Variants in LNX1 observed in about 807,000 individuals in gnomAD.
LNX1 encodes the protein ligand of numb-protein X 1.
LNX1 carries 54 observed loss-of-function variants against 68.4 expected under a neutral mutation model. That is an observed-to-expected ratio of 0.79 (90% CI 0.63 to 0.99). The LOEUF (loss-of-function observed/expected upper bound fraction) is 0.99. LNX1 is among the 50% of genes least tolerant of loss of function. The pLI is 0.00. For missense variants in LNX1, 906 were observed against 926.4 expected, an observed-to-expected ratio of 0.98 and a Z score of 0.29; for synonymous variants, 336 against 350.0, an observed-to-expected ratio of 0.96 and a Z score of 0.45.
At chr4:53,602,476 A>G (rs1260745424) in intron 2 of LNX1, among the ~76,000 whole-genome samples, 3 of 152,178 alleles carry the variant, frequency 2.0e-5, no homozygotes, top group African/African-American at 7.2e-5. Context: ...GCACTCAGTC[A>G]CTCTGACACT....
At chr4:53,584,388 G>GA (rs922328410) in intron 1 of LNX1, among the ~76,000 whole-genome samples, 2 of 151,670 alleles carry the variant, frequency 1.3e-5, no homozygotes, top group Non-Finnish European at 2.9e-5. Context: ...TTATCCACAG[G>GA]AAAAAAAATG....
rs535843976 is a variant in LNX1, at chr4:53,481,792, G to A, written c.1413C>T (p.Ile471=). ...SRQVRQRSPD[I]FQEAGWNSNG... is the part of the protein sequence containing the mutation. ...TGCTGTTCCAGCCGGCTTCCTGAAA[G>A]ATGTCAGGGCTCCGCTGCCGAACCT... is the stretch of plus-strand genomic sequence containing the variant. Residue 471 remains isoleucine (I), a synonymous_variant, in exon 7 of 11, where the codon ATC becomes ATT. Coordinates refer to ENST00000263925, the MANE Select transcript of LNX1 (RefSeq NM_001126328.3). 32 of 1,613,490 alleles carry A rather than the reference G, an allele frequency of 2.0e-5. No individual in the cohort carries two copies. The highest frequency in any genetic ancestry group is 2.6e-5 in the Non-Finnish European group (31 of 1,179,774).
intron 1 of LNX1, among the ~76,000 whole-genome samples, chr4:53,649,231 T>C (rs1038863436): frequency 9.9e-5 from 15 of 152,198 alleles, no homozygotes; most frequent in African/African-American, 3.6e-4. Context: ...CCCTAACCCC[T>C]TTTTGATCCA....
intron 1 of LNX1, among the ~76,000 whole-genome samples, chr4:53,622,604 C>T (rs897330293): frequency 1.2e-4 from 18 of 152,206 alleles, no homozygotes; most frequent in African/African-American, 2.9e-4. Flanking sequence ...GTATAAAAAA[C>T]GCCAAATCCT....
intron 8 of LNX1, 72 bp from the exon 9 acceptor site, chr4:53,477,053 G>A (rs567788872): frequency 5.6e-5 from 72 of 1,279,292 alleles, no homozygotes; most frequent in Non-Finnish European, 7.5e-5. Context: ...AGTGCAAGGG[G>A]ATAGGGGCTG....
intron 9 of LNX1, among the ~76,000 whole-genome samples, chr4:53,471,743 T>C (rs560233123): frequency 4.9e-4 from 74 of 152,094 alleles, no homozygotes; most frequent in Non-Finnish European, 7.9e-4. Flanking sequence ...AAAATGCTCA[T>C]CATCACTGGC....
rs191055409 is a variant in LNX1 at position 53,598,990 on chromosome 4, A to C, written c.-214-7475T>G. On this transcript the variant is annotated intron_variant, in intron 2 of 3. Transcript: ENST00000504299. ...AAGTGTAAGGTAGAAATTGCTTAAC[A>C]GAGGAGTGTTACAGATGCAGTTACA... Among the ~76,000 whole-genome samples the C allele has an allele frequency of 1.8e-4, 28 of 152,342 alleles. No individual in the cohort carries two copies. The East Asian group carries it at 5.4e-3, about 29-fold the overall frequency.
rs767734073 is a variant in LNX1 at position 53,461,580 on chromosome 4, A to AGTT, written c.1903_1905dup (p.Asn635dup). 6.2e-7 allele frequency: 1 copy of AGTT among 1,610,286 alleles called. No individual in the cohort carries two copies. The highest frequency in any genetic ancestry group is 8.5e-7 in the Non-Finnish European group (1 of 1,177,758). On this transcript the variant is annotated inframe_insertion, in exon 10 of 11. Transcript: ENST00000263925. Reference sequence around the variant, plus strand: ...TTTCTTCGTAATACAATATCTTTACAGTTATACAAGCACCTGAAATAGAAT... The same window carrying AGTT: ...TTTCTTCGTAATACAATATCTTTACAGTTGTTATACAAGCACCTGAAATAGAAT...
intron 2 of LNX1, among the ~76,000 whole-genome samples, chr4:53,565,652 G>A (rs1730624037): frequency 6.6e-6 from 1 of 152,212 alleles, no homozygotes; most frequent in Non-Finnish European, 1.5e-5. Flanking sequence ...GACAGAGAAT[G>A]ACTTTGACGA....
At chr4:53,626,794 C>CT (rs34042416) in intron 1 of LNX1, among the ~76,000 whole-genome samples, 50,233 of 151,972 alleles carry the variant, frequency 0.33, 8,651 homozygotes, top group Admixed American at 0.38. Flanking sequence ...CAGAAAAGAG[C>CT]TTATAATCAT....
At chr4:53,526,100 T>A (rs1727589572) in intron 2 of LNX1, among the ~76,000 whole-genome samples, 1 of 41,632 alleles carries the variant, frequency 2.4e-5, no homozygotes, top group Admixed American at 3.9e-4. Context: ...TTGGGCACTT[T>A]CTAGAAAAGA....
chr4:53,481,276 C>T (rs937717442), intron 7 of LNX1, among the ~76,000 whole-genome samples: 3 of 152,212 alleles, frequency 2.0e-5, no homozygotes, highest in African/African-American at 7.2e-5. Flanking sequence ...TTTAAATTAT[C>T]TTCCTGGGCC....
At chr4:53,631,066 G>A (rs765082289) in intron 1 of LNX1, among the ~76,000 whole-genome samples, 4 of 152,192 alleles carry the variant, frequency 2.6e-5, no homozygotes, top group Admixed American at 6.5e-5. Flanking sequence ...ACAGTTCTAT[G>A]GACCGCTGGG....
intron 6 of LNX1, among the ~76,000 whole-genome samples, chr4:53,483,848 T>TG (rs1724114149): frequency 6.6e-6 from 1 of 152,120 alleles, no homozygotes; most frequent in African/African-American, 2.4e-5. Context: ...ACTCAGACAA[T>TG]GGTGGTGGAG....
intron 2 of LNX1, among the ~76,000 whole-genome samples, chr4:53,511,340 A>G (rs1356510753): frequency 1.3e-5 from 2 of 152,198 alleles, no homozygotes; most frequent in African/African-American, 4.8e-5. Context: ...AGCGGGGAAG[A>G]GCTGATTAGC....
chr4:53,630,198 A>G (rs1416889628), intron 1 of LNX1, among the ~76,000 whole-genome samples: 1 of 152,112 alleles, frequency 6.6e-6, no homozygotes, highest in African/African-American at 2.4e-5. Context: ...TTTCAAATTA[A>G]CAGCAAGTCA....
intron 7 of LNX1, 21 bp downstream of exon 7, chr4:53,481,699 G>T (rs747187031): frequency 1.2e-6 from 2 of 1,604,238 alleles, no homozygotes; most frequent in East Asian, 2.3e-5. Flanking sequence ...AGGAGCAGGC[G>T]ACCTGCCCTA....
intron 1 of LNX1, chr4:53,575,553 C>A (rs187852798): frequency 1.0e-6 from 1 of 985,364 alleles, no homozygotes. Flanking sequence ...AAGTAGGAGC[C>A]CAGTGCAAAC....
intron 2 of LNX1, chr4:53,508,431 A>AC (rs1553933383): frequency 1.6e-6 from 1 of 608,960 alleles, no homozygotes; most frequent in Non-Finnish European, 2.8e-6. Context: ...ATAATTTGAG[A>AC]TTTTTTAAAG....
Sources: gnomAD v4.1 joint callset for allele counts (sites outside exome capture counted in the v4.1 genomes callset) on GRCh38, gnomAD v4.1.1 for gene constraint, MANE v1.5 for transcripts, NCBI Gene and HGNC (gene_info 2026-07-23, HGNC 2026-07-21) for gene names.